TMEFF1: variants seen among roughly 807,000 people sequenced by gnomAD.
The protein encoded by TMEFF1 is transmembrane protein with EGF like and two follistatin like domains 1.
In TMEFF1, 20 loss-of-function variants were observed where a neutral mutation model predicts 47.5. That is an observed-to-expected ratio of 0.42 (90% CI 0.30 to 0.61). The LOEUF is 0.61. Ranked by LOEUF, TMEFF1 falls within the 20% of genes least tolerant of loss-of-function variation. The pLI is 0.19. For synonymous variants in TMEFF1, 162 were observed against 166.3 expected (o/e 0.97, Z 0.20); for missense variants, 411 against 471.1 (o/e 0.87, Z 1.18).
At chr9:100,497,026 G>T (rs1027960975) in intron 1 of TMEFF1, among the ~76,000 whole-genome samples, 2 of 152,154 alleles carry the variant, frequency 1.3e-5, no homozygotes, top group Non-Finnish European at 2.9e-5. Context: ...CTGAAGATGT[G>T]TCTTTGATAG....
chr9:100,474,803 C>T (rs371225114), intron 1 of TMEFF1, among the ~76,000 whole-genome samples: 1 of 152,122 alleles, frequency 6.6e-6, no homozygotes, highest in African/African-American at 2.4e-5. Context: ...CTTGCCCCCC[C>T]ACAGCTGTTG....
intron 5 of TMEFF1, among the ~76,000 whole-genome samples, chr9:100,522,523 C>T (rs73495718): frequency 0.15 from 21,676 of 145,318 alleles, 2,338 homozygotes; most frequent in East Asian, 0.58. Context: ...CTGCAACTTC[C>T]GCCTCCCGGG....
intron 1 of TMEFF1, among the ~76,000 whole-genome samples, chr9:100,482,204 C>CT (rs1166652752): frequency 3.3e-4 from 48 of 146,848 alleles, no homozygotes; most frequent in Admixed American, 1.4e-3. Flanking sequence ...TCTTTCTTTT[C>CT]TTTTTTTTTT....
intron 1 of TMEFF1, among the ~76,000 whole-genome samples, chr9:100,490,732 A>G (rs1376603421): frequency 6.6e-6 from 1 of 151,838 alleles, no homozygotes; most frequent in Non-Finnish European, 1.5e-5. Flanking sequence ...AATAATAACC[A>G]ATATAGAAAC....
At chr9:100,565,911 C>T (rs56163523) in intron 8 of TMEFF1, among the ~76,000 whole-genome samples, 6,723 of 152,166 alleles carry the variant, frequency 0.044, 339 homozygotes, top group South Asian at 0.22. Context: ...AGTCTATCTC[C>T]AGTTCCTCAC....
chr9:100,501,677 G>A (rs961134226), intron 2 of TMEFF1, among the ~76,000 whole-genome samples: 1 of 151,686 alleles, frequency 6.6e-6, no homozygotes. Context: ...ATGGAGCCTC[G>A]CTCTGTTGCC....
intron 7 of TMEFF1, among the ~76,000 whole-genome samples, chr9:100,555,162 G>GACACACACACAC (rs112017161): frequency 4.8e-5 from 7 of 144,480 alleles, no homozygotes; most frequent in East Asian, 2.0e-4. Flanking sequence ...TGTACACACA[G>GACACACACACAC]ACACACACAC....
intron 2 of TMEFF1, among the ~76,000 whole-genome samples, chr9:100,503,683 C>A (rs527708272): frequency 6.6e-6 from 1 of 152,274 alleles, no homozygotes; most frequent in South Asian, 2.1e-4. Flanking sequence ...GCCAGTGGTA[C>A]AAGTCCCTAT....
rs559378522 is a variant in TMEFF1, at chr9:100,555,633, C to T, written c.775+5473C>T. ...ACCTAAGATCACTATGAATATTAAA[C>T]ACTATGTTACTGAGTTCATTATCAG... On this transcript the variant is annotated intron_variant, in intron 7 of 9. Transcript: ENST00000374879. Among the ~76,000 whole-genome samples, 14 of 152,260 alleles carry T rather than the reference C, an allele frequency of 9.2e-5. No homozygotes were observed. In the South Asian group the frequency reaches 2.7e-3, roughly 29 times the overall value.
At chr9:100,481,296 G>A (rs1224190475) in intron 1 of TMEFF1, among the ~76,000 whole-genome samples, 7 of 152,192 alleles carry the variant, frequency 4.6e-5, no homozygotes, top group Non-Finnish European at 1.0e-4. Context: ...GTTTACCACT[G>A]TATTGACAGT....
In TMEFF1 at chr9:100,539,355, C is replaced by T. The variant is rs142730958; in HGVS notation, c.561-8389C>T. ...CGGAATTGGTGGGTTTTTGGTCTCA[C>T]CAACTTCAAGAATGAAGCTGTGGAC... On this transcript the variant is annotated intron_variant, in intron 5 of 9. Coordinates refer to ENST00000374879, the MANE Select transcript of TMEFF1 (RefSeq NM_003692.5). 7.3e-3 allele frequency among the ~76,000 whole-genome samples: 1,113 copies of T among 152,284 alleles called. 10 individuals carry two copies. The highest frequency in any genetic ancestry group is 0.021 in the South Asian group (100 of 4,818).
Position 100,509,112 on chromosome 9 carries a change from A to G in TMEFF1, c.414A>G (p.Ile138Met). 6.3e-7 allele frequency: 1 copy of G among 1,583,708 alleles called. No homozygotes were observed. The highest frequency in any genetic ancestry group is 8.6e-7 in the Non-Finnish European group (1 of 1,167,878). ...AGCACCAGAAAGAGATAACAGTAAT[A>G]GCAAGAGGACCATGCTACTCTGGTA... ...ACKHQKEITV[I>M]ARGPCYSDNG... is the part of the protein sequence containing the mutation. The change falls in exon 3 of 10, where the codon ATA (isoleucine) becomes ATG (methionine). Residue 138 changes from isoleucine (I) to methionine (M), a missense_variant. Ile to Met is a conservative substitution (Grantham distance 10). Transcript: ENST00000374879.
Position 100,513,352 on chromosome 9 carries a change from T to A in TMEFF1, c.463+19T>A. On this transcript the variant is annotated intron_variant, in intron 4 of 9. Coordinates refer to ENST00000374879, the MANE Select transcript of TMEFF1 (RefSeq NM_003692.5). ...GAAGGAGGTAAGTTTCAAGTACCTC[T>A]TAAAGGATATTTGCTTTTCTTTCTT... is the stretch of plus-strand genomic sequence containing the variant. 1 of 1,571,722 alleles carries A rather than the reference T, an allele frequency of 6.4e-7. No individual in the cohort carries two copies. The highest frequency in any genetic ancestry group is 8.6e-7 in the Non-Finnish European group (1 of 1,164,814).
At chr9:100,541,484 C>T (rs1026985565) in intron 5 of TMEFF1, among the ~76,000 whole-genome samples, 11 of 151,234 alleles carry the variant, frequency 7.3e-5, no homozygotes, top group Admixed American at 6.6e-4. Flanking sequence ...AGTGATTCTC[C>T]TGCCTCAGCT....
At chr9:100,497,320 CTTTTTTTTTTTTTTT>C (rs752427622) in intron 1 of TMEFF1, among the ~76,000 whole-genome samples, 3 of 59,526 alleles carry the variant, frequency 5.0e-5, no homozygotes, top group African/African-American at 2.0e-4. Context: ...CCACTCATGT[CTTTTTTTTTTTTTTT>C]TTTTTTTTTG....
At chr9:100,563,640 G>A (rs921195777) in intron 8 of TMEFF1, among the ~76,000 whole-genome samples, 2 of 152,300 alleles carry the variant, frequency 1.3e-5, no homozygotes, top group South Asian at 2.1e-4. Flanking sequence ...TATATGTAAA[G>A]TGCTTAGCCT....
At chr9:100,503,396 C>T (rs1019293675) in intron 2 of TMEFF1, among the ~76,000 whole-genome samples, 54 of 151,672 alleles carry the variant, frequency 3.6e-4, no homozygotes, top group Admixed American at 3.3e-4. Flanking sequence ...ACTTTTTTTC[C>T]TGTTTTCTTT....
chr9:100,507,322 T>C (rs999284161), intron 2 of TMEFF1, among the ~76,000 whole-genome samples: 5 of 152,192 alleles, frequency 3.3e-5, no homozygotes, highest in African/African-American at 1.2e-4. Context: ...GATGAACATA[T>C]GGGTGCATGT....
In TMEFF1 at chr9:100,508,262, A is replaced by T. The variant is rs547932226; in HGVS notation, c.307-743A>T. Among the ~76,000 whole-genome samples, 12 of 152,196 alleles carry T rather than the reference A, an allele frequency of 7.9e-5. No homozygotes were observed. The South Asian group carries it at 2.3e-3, about 29-fold the overall frequency. On this transcript the variant is annotated intron_variant, in intron 2 of 9. Coordinates refer to ENST00000374879, the MANE Select transcript of TMEFF1 (RefSeq NM_003692.5). ...GATTTTAAAACTTTAGTCATTTATG[A>T]TATTTCTAACATGTAGATGTTTTCA...
Sources: gnomAD v4.1 joint callset for allele counts (sites outside exome capture counted in the v4.1 genomes callset) on GRCh38, gnomAD v4.1.1 for gene constraint, MANE v1.5 for transcripts, NCBI Gene and HGNC (gene_info 2026-07-23, HGNC 2026-07-21) for gene names.